FSHR: variants seen among roughly 807,000 people sequenced by gnomAD.
The protein encoded by FSHR is follicle stimulating hormone receptor, also known as follicle-stimulating hormone receptor.
Under a neutral mutation model 52.1 loss-of-function variants are expected in FSHR, and 46 were observed. The observed-to-expected ratio is 0.88, with a 90% confidence interval of 0.70 to 1.13. FSHR has a LOEUF of 1.13. Among genes scored for constraint, FSHR ranks in the 50% most tolerant of loss-of-function variants. FSHR has a pLI of 0.00. For missense variants in FSHR, 964 were observed against 834.6 expected (o/e 1.16, Z -1.91); for synonymous variants, 399 against 309.6 (o/e 1.29, Z -3.03).
At position 49,038,202 on chromosome 2, in the gene FSHR, T is replaced by C. The variant is rs1572664999; in HGVS notation, c.225-18042A>G. Among the ~76,000 whole-genome samples, 3 of 152,218 alleles carry C rather than the reference T, an allele frequency of 2.0e-5. No homozygotes were observed. The South Asian group carries it at 6.2e-4, about 32-fold the overall frequency. Reference sequence around the variant, plus strand: ...GAGTTTACCACTCATAAATTTTAATTAAAAGGATAATTAAATAATTTTCTT... The same window carrying C: ...GAGTTTACCACTCATAAATTTTAATCAAAAGGATAATTAAATAATTTTCTT... On this transcript the variant is annotated intron_variant, in intron 2 of 9. Coordinates refer to ENST00000406846, the MANE Select transcript of FSHR (RefSeq NM_000145.4).
intron 4 of FSHR, among the ~76,000 whole-genome samples, chr2:49,002,172 A>G (rs1666914587): frequency 6.6e-6 from 1 of 152,154 alleles, no homozygotes; most frequent in Non-Finnish European, 1.5e-5. Flanking sequence ...ATACAAAGTA[A>G]AAGAGCTTTC....
chr2:49,048,694 G>GCTTCTCTAGCATTTACC (rs1185000298), intron 2 of FSHR, among the ~76,000 whole-genome samples: 1 of 152,132 alleles, frequency 6.6e-6, no homozygotes, highest in African/African-American at 2.4e-5. Flanking sequence ...ATTCATTTAG[G>GCTTCTCTAGCATTTACC]CTTCTCTAGC....
At chr2:48,979,301 T>G (rs753936759) in intron 8 of FSHR, among the ~76,000 whole-genome samples, 2 of 151,866 alleles carry the variant, frequency 1.3e-5, no homozygotes, top group Non-Finnish European at 2.9e-5. Context: ...AATGGCCAGG[T>G]GTGGTGGTGC....
intron 1 of FSHR, among the ~76,000 whole-genome samples, chr2:49,123,786 C>A (rs749291620): frequency 6.6e-6 from 1 of 152,048 alleles, no homozygotes; most frequent in East Asian, 1.9e-4. Context: ...GAGGACAAAG[C>A]AAGGAAGAAC....
At chr2:49,009,430 C>G (rs1667191353) in intron 4 of FSHR, among the ~76,000 whole-genome samples, 2 of 151,248 alleles carry the variant, frequency 1.3e-5, no homozygotes, top group East Asian at 2.0e-4. Flanking sequence ...GTTACTGTAG[C>G]CTTGTAGTAT....
intron 1 of FSHR, among the ~76,000 whole-genome samples, chr2:49,132,255 G>T (rs906534577): frequency 1.3e-5 from 2 of 152,118 alleles, no homozygotes; most frequent in Non-Finnish European, 2.9e-5. Flanking sequence ...CTTGTTTTCC[G>T]TTTGGCACAA....
chr2:49,084,297 C>G (rs1162218950), intron 1 of FSHR, among the ~76,000 whole-genome samples: 1 of 151,762 alleles, frequency 6.6e-6, no homozygotes, highest in Admixed American at 6.6e-5. Flanking sequence ...TTGAAACCAA[C>G]GAGAACAAAG....
In FSHR at chr2:49,154,477, C is replaced by T. The variant is rs377105879; in HGVS notation, c.-60G>A. On this transcript the variant is annotated 5_prime_UTR_variant, in exon 1 of 10. Coordinates refer to ENST00000406846, the MANE Select transcript of FSHR (RefSeq NM_000145.4). Reference sequence around the variant, plus strand: ...TTTGCAGAGAAAAACCTCCACAGATCTCAGAAGCTCCACACAGTGCCCTTA... The same window carrying T: ...TTTGCAGAGAAAAACCTCCACAGATTTCAGAAGCTCCACACAGTGCCCTTA... The T allele has an allele frequency of 1.4e-5, 22 of 1,570,296 alleles. No individual in the cohort carries two copies. Among genetic ancestry groups the T allele is most frequent in the Middle Eastern group, 2.3e-4 (1 of 4,354 alleles).
chr2:49,144,941 A>C (rs1191209048), intron 1 of FSHR, among the ~76,000 whole-genome samples: 1 of 152,116 alleles, frequency 6.6e-6, no homozygotes, highest in Non-Finnish European at 1.5e-5. Flanking sequence ...ATTCCTTATT[A>C]CTGTCCCCCT....
chr2:49,152,395 A>G (rs959810863), intron 1 of FSHR, among the ~76,000 whole-genome samples: 2 of 152,058 alleles, frequency 1.3e-5, no homozygotes, highest in African/African-American at 4.8e-5. Context: ...ATACCTTAGC[A>G]TTACTTTTTT....
chr2:49,005,050 C>G (rs1667030873), intron 4 of FSHR, among the ~76,000 whole-genome samples: 1 of 151,682 alleles, frequency 6.6e-6, no homozygotes, highest in Non-Finnish European at 1.5e-5. Flanking sequence ...TCAGGTTCCT[C>G]TTTCAAAAAT....
chr2:49,046,713 C>T (rs945908373), intron 2 of FSHR, among the ~76,000 whole-genome samples: 2 of 152,186 alleles, frequency 1.3e-5, no homozygotes, highest in Non-Finnish European at 2.9e-5. Flanking sequence ...ATGTCCTCAT[C>T]TAATTAGCAC....
At chr2:49,030,050 C>T (rs761131056) in intron 2 of FSHR, among the ~76,000 whole-genome samples, 8 of 152,184 alleles carry the variant, frequency 5.3e-5, no homozygotes, top group Non-Finnish European at 1.0e-4. Flanking sequence ...GCAGACCTAT[C>T]AGGGAGTAGC....
intron 1 of FSHR, among the ~76,000 whole-genome samples, chr2:49,148,059 C>T (rs948207732): frequency 6.6e-6 from 1 of 151,858 alleles, no homozygotes; most frequent in East Asian, 1.9e-4. Context: ...TAGAATCTGA[C>T]CTTAATTGGC....
At chr2:49,091,716 G>T (rs1256273290) in intron 1 of FSHR, among the ~76,000 whole-genome samples, 1 of 152,218 alleles carries the variant, frequency 6.6e-6, no homozygotes, top group Non-Finnish European at 1.5e-5. Context: ...TTGTGGGTCT[G>T]TTCTGCTAAA....
intron 1 of FSHR, among the ~76,000 whole-genome samples, chr2:49,071,053 C>T (rs1038318582): frequency 7.9e-5 from 12 of 152,112 alleles, no homozygotes; most frequent in Admixed American, 5.2e-4. Flanking sequence ...TGGTACGAAA[C>T]TGGCACATGA....
In FSHR at chr2:49,017,524, A is replaced by C; in HGVS notation, c.339T>G (p.Pro113=). The change falls in exon 4 of 10, where the codon CCT becomes CCG. Residue 113 remains proline, a synonymous_variant. Coordinates refer to ENST00000406846, the MANE Select transcript of FSHR (RefSeq NM_000145.4). ...EKANNLLYIN[P]EAFQNLPNLQ... is the part of the protein sequence containing the mutation. ...GGTTGGGAAGGTTCTGGAAGGCCTC[A>C]GGGTTGATGTAGAGCAGGTTGTTGG... 1 of 1,613,564 alleles carries C rather than the reference A, an allele frequency of 6.2e-7. No homozygotes were observed. Among genetic ancestry groups the C allele is most frequent in the East Asian group, 2.2e-5 (1 of 44,868 alleles).
intron 1 of FSHR, among the ~76,000 whole-genome samples, chr2:49,081,135 T>G (rs2103656210): frequency 6.6e-6 from 1 of 152,268 alleles, no homozygotes; most frequent in South Asian, 2.1e-4. Context: ...TCTCTTGGGT[T>G]CTGTGAGTAT....
chr2:49,095,713 C>G (rs1441028909), intron 1 of FSHR, among the ~76,000 whole-genome samples: 2 of 152,072 alleles, frequency 1.3e-5, no homozygotes, highest in African/African-American at 4.8e-5. Flanking sequence ...ATTTGCAAAT[C>G]ATGTATCTGA....
Sources: gnomAD v4.1 joint callset for allele counts (sites outside exome capture counted in the v4.1 genomes callset) on GRCh38, gnomAD v4.1.1 for gene constraint, MANE v1.5 for transcripts, NCBI Gene and HGNC (gene_info 2026-07-23, HGNC 2026-07-21) for gene names.